MACROD2: variants seen among roughly 807,000 people sequenced by gnomAD.
MACROD2 encodes ADP-ribose glycohydrolase MACROD2.
MACROD2 carries 36 observed loss-of-function variants against 70.4 expected under a neutral mutation model. The observed-to-expected ratio is 0.51, with a 90% confidence interval of 0.39 to 0.68. The LOEUF is 0.68. MACROD2 is among the 30% of genes least tolerant of loss of function. MACROD2 has a pLI of 0.00. For synonymous variants in MACROD2, 172 were observed against 178.8 expected, an observed-to-expected ratio of 0.96 and a Z score of 0.30; for missense variants, 496 against 538.4, an observed-to-expected ratio of 0.92 and a Z score of 0.78.
Position 14,086,788 on chromosome 20 carries a change from T to G in MACROD2, c.271+1060T>G, listed in dbSNP as rs549392001. 2.6e-5 allele frequency among the ~76,000 whole-genome samples: 4 copies of G among 152,296 alleles called. No individual in the cohort carries two copies. The East Asian group carries it at 7.7e-4, about 29-fold the overall frequency. On this transcript the variant is annotated intron_variant, in intron 3 of 17. Coordinates refer to ENST00000684519, the MANE Select transcript of MACROD2 (RefSeq NM_001351661.2). Reference sequence around the variant, plus strand: ...GAGAATGGGAATTTGGAAAGTCTGTTTCTGGCCTTGTCATTGGTTGCAAGG... The same window carrying G: ...GAGAATGGGAATTTGGAAAGTCTGTGTCTGGCCTTGTCATTGGTTGCAAGG...
At chr20:15,559,152 G>A (rs368156240) in intron 8 of MACROD2, among the ~76,000 whole-genome samples, 12 of 149,024 alleles carry the variant, frequency 8.1e-5, no homozygotes, top group East Asian at 4.0e-4. Flanking sequence ...GCGTGAACCC[G>A]GGAGGTGGAG....
intron 5 of MACROD2, among the ~76,000 whole-genome samples, chr20:15,200,057 G>A (rs1288613802): frequency 9.0e-6 from 1 of 110,884 alleles, no homozygotes; most frequent in African/African-American, 4.4e-5. Context: ...AAAAATAAGA[G>A]GAGAAAAATT....
At chr20:14,685,771 T>C (rs1051002783) in intron 5 of MACROD2, among the ~76,000 whole-genome samples, 18 of 152,210 alleles carry the variant, frequency 1.2e-4, no homozygotes, top group African/African-American at 4.3e-4. Context: ...CCACTTCTTA[T>C]GATACTGCTG....
chr20:15,542,522 G>C (rs930356717), intron 8 of MACROD2, among the ~76,000 whole-genome samples: 3 of 152,134 alleles, frequency 2.0e-5, no homozygotes, highest in Non-Finnish European at 4.4e-5. Flanking sequence ...GTGCTTCTGT[G>C]ATCTGGGAGG....
At chr20:16,023,952 G>A (rs1395613135) in intron 15 of MACROD2, among the ~76,000 whole-genome samples, 2 of 152,324 alleles carry the variant, frequency 1.3e-5, no homozygotes, top group Middle Eastern at 3.4e-3. Flanking sequence ...GTAGAAAAAT[G>A]TAGGCACTTG....
intron 3 of MACROD2, among the ~76,000 whole-genome samples, chr20:14,329,485 C>G (rs1291227686): frequency 6.6e-6 from 1 of 152,010 alleles, no homozygotes; most frequent in Non-Finnish European, 1.5e-5. Flanking sequence ...TTAGACTTCT[C>G]ATTTTCTTAT....
chr20:15,351,276 T>C (rs1000985328), intron 6 of MACROD2, among the ~76,000 whole-genome samples: 1 of 152,156 alleles, frequency 6.6e-6, no homozygotes, highest in Non-Finnish European at 1.5e-5. Context: ...AAATAACTAG[T>C]TTTAGAGACA....
chr20:14,006,477 G>A (rs2052823391), intron 2 of MACROD2, among the ~76,000 whole-genome samples: 1 of 151,988 alleles, frequency 6.6e-6, no homozygotes, highest in Non-Finnish European at 1.5e-5. Context: ...CTAAAAGATG[G>A]CATATTTTTG....
intron 6 of MACROD2, among the ~76,000 whole-genome samples, chr20:15,233,469 G>A (rs2076976880): frequency 6.6e-6 from 1 of 151,794 alleles, no homozygotes; most frequent in Admixed American, 6.6e-5. Flanking sequence ...TAGTAGAGAG[G>A]GAAATGTTAT....
intron 5 of MACROD2, among the ~76,000 whole-genome samples, chr20:15,071,993 G>C (rs774888726): frequency 2.0e-5 from 3 of 151,946 alleles, no homozygotes; most frequent in Non-Finnish European, 2.9e-5. Context: ...AATGTGTTTT[G>C]TAACTCAGAA....
chr20:15,832,876 G>A (rs2064072337), intron 8 of MACROD2, among the ~76,000 whole-genome samples: 1 of 152,168 alleles, frequency 6.6e-6, no homozygotes, highest in African/African-American at 2.4e-5. Flanking sequence ...AAATTGCCAG[G>A]CTCTTATAAT....
chr20:14,700,237 C>T (rs988021758), intron 5 of MACROD2, among the ~76,000 whole-genome samples: 9 of 151,818 alleles, frequency 5.9e-5, no homozygotes, highest in African/African-American at 2.2e-4. Context: ...TACCTATAGA[C>T]CATAGTCTGG....
At chr20:15,757,075 C>T (rs1330458964) in intron 8 of MACROD2, among the ~76,000 whole-genome samples, 1 of 152,200 alleles carries the variant, frequency 6.6e-6, no homozygotes, top group Admixed American at 6.5e-5. Context: ...AAGCCAATTA[C>T]TGAAAAATTG....
intron 5 of MACROD2, among the ~76,000 whole-genome samples, chr20:15,124,277 A>C (rs1454301269): frequency 1.3e-5 from 2 of 151,972 alleles, no homozygotes; most frequent in African/African-American, 4.8e-5. Flanking sequence ...ATACTATAGG[A>C]AAGTAAGTCA....
At chr20:14,632,088 A>T (rs1226564366) in intron 4 of MACROD2, 1 of 152,048 alleles carries the variant, frequency 6.6e-6, no homozygotes, top group Admixed American at 6.6e-5. Context: ...TTTAAGATGA[A>T]GTAATCTGGC....
At chr20:14,396,756 A>T (rs13036915) in intron 3 of MACROD2, among the ~76,000 whole-genome samples, 24,510 of 151,224 alleles carry the variant, frequency 0.16, 2,647 homozygotes, top group Non-Finnish European at 0.23. Flanking sequence ...AAACCCCGTC[A>T]CTACTAAAAA....
chr20:15,181,106 ACAG>A (rs1190684953), intron 5 of MACROD2, among the ~76,000 whole-genome samples: 1 of 152,202 alleles, frequency 6.6e-6, no homozygotes, highest in Non-Finnish European at 1.5e-5. Context: ...TTCAAGTCCT[ACAG>A]CTGGCCCTGC....
rs182141340 is a variant in MACROD2, at chr20:14,719,160, A to G, written c.418+34201A>G. 4.8e-3 allele frequency among the ~76,000 whole-genome samples: 737 copies of G among 152,136 alleles called. 4 individuals are homozygous for G. Among genetic ancestry groups the G allele is most frequent in the African/African-American group, 0.017 (707 of 41,516 alleles). On this transcript the variant is annotated intron_variant, in intron 5 of 17. Coordinates refer to ENST00000684519, the MANE Select transcript of MACROD2 (RefSeq NM_001351661.2). ...GGCAGGAGAATCACTTGAACTCGGG[A>G]GGCAGAGGTTGCAGTGAGCGAGATC...
At chr20:15,727,368 A>G (rs1166322733) in intron 8 of MACROD2, among the ~76,000 whole-genome samples, 1 of 152,182 alleles carries the variant, frequency 6.6e-6, no homozygotes, top group African/African-American at 2.4e-5. Flanking sequence ...TACATCAAGT[A>G]ATGTGATGGC....
Sources: allele counts gnomAD v4.1 joint callset (sites outside exome capture counted in the v4.1 genomes callset), GRCh38; gene constraint gnomAD v4.1.1; transcripts MANE v1.5; gene names NCBI Gene and HGNC (gene_info 2026-07-23, HGNC 2026-07-21).